Variants in TRIM27 observed in about 807,000 individuals in gnomAD.
The protein encoded by TRIM27 is tripartite motif containing 27, also known as zinc finger protein RFP.
In TRIM27, 12 loss-of-function variants were observed where a neutral mutation model predicts 57.6. The ratio of observed to expected loss-of-function variants is 0.21; its 90% CI spans 0.13 to 0.34. The LOEUF is 0.34. Ranked by LOEUF, TRIM27 falls within the 10% of genes least tolerant of loss-of-function variation. The probability of loss-of-function intolerance (pLI) is 1.00; values close to 1 mark genes in which losing one functional copy is unlikely to be tolerated. For synonymous variants in TRIM27, 266 were observed against 259.0 expected, an observed-to-expected ratio of 1.03 and a Z score of -0.26; for missense variants, 403 against 656.8, an observed-to-expected ratio of 0.61 and a Z score of 4.22.
chr6:28,913,797 C>T (rs760550082), intron 3 of TRIM27, among the ~76,000 whole-genome samples: 2 of 151,844 alleles, frequency 1.3e-5, no homozygotes, highest in African/African-American at 2.4e-5. Flanking sequence ...TCTTTTCTCT[C>T]GCAATACTTA....
intron 3 of TRIM27, among the ~76,000 whole-genome samples, chr6:28,913,821 T>C (rs369400902): frequency 9.1e-4 from 139 of 152,120 alleles, no homozygotes; most frequent in South Asian, 6.2e-3. Flanking sequence ...GGTCTTTTTA[T>C]ATTAGAACTA....
intron 2 of TRIM27, among the ~76,000 whole-genome samples, chr6:28,921,464 G>A (rs1369938139): frequency 6.6e-6 from 1 of 152,074 alleles, no homozygotes; most frequent in Non-Finnish European, 1.5e-5. Context: ...GAGGAAGAGG[G>A]CAGAGTAAAA....
rs1221797761 is a variant in TRIM27, at chr6:28,904,023, T to C, written c.*47A>G. ...GCAAGGCAACAAGATGCCTTGTGCC[T>C]GGCGTAGGATTACAGCCAACAGCCC... On this transcript the variant is annotated 3_prime_UTR_variant, in exon 8 of 8. Transcript: ENST00000377199. The surrounding 1 kb of genome is among the most constrained non-coding windows in gnomAD (Gnocchi z 6.1). 11 of 1,517,106 alleles carry C rather than the reference T, an allele frequency of 7.3e-6. No individual in the cohort carries two copies. In the South Asian group the frequency reaches 1.3e-4, roughly 18 times the overall value. The allele number at this position is 1,517,106 out of a possible 1,614,324, so 94.0% of individuals were successfully genotyped here. A position where few individuals can be genotyped will look rare whatever the true frequency, so the allele number is the denominator to read the frequency against.
Position 28,904,624 on chromosome 6 carries a change from T to C in TRIM27, c.988A>G (p.Ile330Val). 6.2e-7 allele frequency: 1 copy of C among 1,601,140 alleles called. No homozygotes were observed. Among genetic ancestry groups the C allele is most frequent in the Non-Finnish European group, 8.5e-7 (1 of 1,179,914 alleles). ...ACTTGCCGCAGATTATCAGAGAGGA[T>C]CAGGCTGGGGTAGGCCGTGTCTGGG... ...LDPDTAYPSL[I>V]LSDNLRQVRY... is the part of the protein sequence containing the mutation. Residue 330 changes from isoleucine to valine, a missense_variant, in exon 8 of 8, where the codon ATC becomes GTC. By Grantham distance (29) the Ile-to-Val change is conservative. Transcript: ENST00000377199. This position sits in a 1 kb window ranked among gnomAD's most constrained non-coding sequence, Gnocchi z 6.1.
At chr6:28,907,917 A>C (rs986210244) in intron 6 of TRIM27, 2 of 225,130 alleles carry the variant, frequency 8.9e-6, no homozygotes, top group Admixed American at 1.0e-4. Flanking sequence ...TATATATCTG[A>C]ATAGATGCAA....
chr6:28,920,065 G>C lies in TRIM27; in HGVS notation c.694C>G (p.Leu232Val). Residue 232 changes from leucine to valine, a missense_variant, in exon 3 of 8, where the codon CTG becomes GTG. Coordinates refer to ENST00000377199, the MANE Select transcript of TRIM27 (RefSeq NM_006510.5). ...TGCTTCTCTTCTAGCTGAGCGATCA[G>C]GCTGCTGAGGTGGGAGATGTTGCAA... ...FSCNISHLSSLIAQLEEKQQQ... is the reference protein window; with the variant it reads ...FSCNISHLSSVIAQLEEKQQQ... 1 of 1,614,176 alleles carries C rather than the reference G, an allele frequency of 6.2e-7. No homozygotes were observed. Among genetic ancestry groups the C allele is most frequent in the Non-Finnish European group, 8.5e-7 (1 of 1,180,040 alleles).
At chr6:28,907,738 C>T in intron 6 of TRIM27, 1 of 393,536 alleles carries the variant, frequency 2.5e-6, no homozygotes, top group East Asian at 4.9e-5. Flanking sequence ...ACACATTATC[C>T]CACTAAGACT....
rs1772576221 is a variant in TRIM27 at position 28,903,937 on chromosome 6, T to A, written c.*133A>T. ...AAAAGGATGGTAGAGAACATGGACA[T>A]CCTGTCTCCCACTGCAAGGGCGTGG... is the stretch of plus-strand genomic sequence containing the variant. On this transcript the variant is annotated 3_prime_UTR_variant, in exon 8 of 8. Transcript: ENST00000377199. The A allele has an allele frequency of 1.5e-6, 1 of 686,752 alleles. No individual in the cohort carries two copies. Among genetic ancestry groups the A allele is most frequent in the African/African-American group, 1.8e-5 (1 of 55,638 alleles). The allele number at this position is 686,752 out of a possible 1,614,324, so 42.5% of individuals were successfully genotyped here. A position where few individuals can be genotyped will look rare whatever the true frequency, so the allele number is the denominator to read the frequency against.
intron 4 of TRIM27, among the ~76,000 whole-genome samples, chr6:28,909,718 C>T (rs1054581331): frequency 5.3e-5 from 8 of 152,130 alleles, no homozygotes; most frequent in African/African-American, 7.2e-5. Flanking sequence ...GCAATTAACC[C>T]GAATTCTCAG....
At position 28,903,137 on chromosome 6, in the gene TRIM27, G is replaced by A. The variant is rs1772510451; in HGVS notation, c.*933C>T. 2 of 231,946 alleles carry A rather than the reference G, an allele frequency of 8.6e-6. No homozygotes were observed. Among genetic ancestry groups the A allele is most frequent in the Middle Eastern group, 1.3e-3 (1 of 776 alleles). 14.4% of individuals were successfully genotyped at this position (231,946 alleles called of 1,614,324 possible). On this transcript the variant is annotated 3_prime_UTR_variant, in exon 8 of 8. Coordinates refer to ENST00000377199, the MANE Select transcript of TRIM27 (RefSeq NM_006510.5). ...ACTTCAGAGTGTCTCATGATCCAAT[G>A]GCCATGGGGACGGAGCTGCCCCTTG...
At chr6:28,922,311 G>T (rs1376410359) in intron 1 of TRIM27, among the ~76,000 whole-genome samples, 1 of 152,182 alleles carries the variant, frequency 6.6e-6, no homozygotes, top group Admixed American at 6.5e-5. Context: ...GACTGGAGTA[G>T]GAGGCTTAGA....
chr6:28,920,087 G>A lies in TRIM27; in HGVS notation c.672C>T (p.Cys224=). The change falls in exon 3 of 8, where the codon TGC becomes TGT. Residue 224 remains cysteine (C), a synonymous_variant. Transcript: ENST00000377199. ...SINGAITQFS[C]NISHLSSLIA... ...TCAGGCTGCTGAGGTGGGAGATGTT[G>A]CAAGAGAACTGGGTGATGGCACCAT... 6.2e-7 allele frequency: 1 copy of A among 1,614,232 alleles called. No individual in the cohort carries two copies. Among genetic ancestry groups the A allele is most frequent in the East Asian group, 2.2e-5 (1 of 44,886 alleles).
chr6:28,922,142 C>A (rs945929494), intron 1 of TRIM27, among the ~76,000 whole-genome samples, 155 bp from the exon 2 acceptor site: 1 of 152,126 alleles, frequency 6.6e-6, no homozygotes, highest in African/African-American at 2.4e-5. Flanking sequence ...AGACTCAGGG[C>A]GCAGGGGCAA....
chr6:28,914,014 C>T (rs1030396671), intron 3 of TRIM27, among the ~76,000 whole-genome samples: 2 of 145,236 alleles, frequency 1.4e-5, no homozygotes, highest in African/African-American at 2.6e-5. Context: ...CACAGTGTAG[C>T]CTACCTATGT....
In TRIM27 at chr6:28,903,406, AACAG is replaced by A. The variant is rs1772529024; in HGVS notation, c.*660_*663del. On this transcript the variant is annotated 3_prime_UTR_variant, in exon 8 of 8. Coordinates refer to ENST00000377199, the MANE Select transcript of TRIM27 (RefSeq NM_006510.5). The stretch of plus-strand genomic sequence containing the variant: ...ATACACCTTTCATTAGAATGAAGAG[AACAG>A]ACAAAGCCCTCAGAAAAGATACAAA... 4.3e-6 allele frequency: 1 copy of A among 233,276 alleles called. No individual in the cohort carries two copies. Among genetic ancestry groups the A allele is most frequent in the Admixed American group, 5.6e-5 (1 of 17,788 alleles). 14.5% of individuals were successfully genotyped at this position (233,276 alleles called of 1,614,324 possible).
chr6:28,923,085 G>A (rs1481934033), intron 1 of TRIM27, 128 bp downstream of exon 1: 5 of 1,121,310 alleles, frequency 4.5e-6, no homozygotes, highest in South Asian at 3.3e-5. Context: ...AGCGGACAGA[G>A]AGGAAATGAC....
In TRIM27 at chr6:28,923,926, C is replaced by G; in HGVS notation, c.-294G>C. 1 of 407,272 alleles carries G rather than the reference C, an allele frequency of 2.5e-6. No individual in the cohort carries two copies. The highest frequency in any genetic ancestry group is 7.2e-5 in the South Asian group (1 of 13,802). The allele number at this position is 407,272 out of a possible 1,614,324, so 25.2% of individuals were successfully genotyped here. A position where few individuals can be genotyped will look rare whatever the true frequency, so the allele number is the denominator to read the frequency against. ...TAGCCGAGGGTCAGAGTCCCAGGGC[C>G]AGGCGGGCAAAGCGCGCAAGACAAC... On this transcript the variant is annotated 5_prime_UTR_variant, in exon 1 of 8. Transcript: ENST00000377199.
At chr6:28,908,697 G>T in intron 6 of TRIM27, 111 bp downstream of exon 6, 1 of 906,570 alleles carries the variant, frequency 1.1e-6, no homozygotes, top group Non-Finnish European at 1.7e-6. Flanking sequence ...AAAATATCAG[G>T]GAAGGCTGGC....
chr6:28,919,980 G>T, intron 3 of TRIM27, 32 bp downstream of exon 3: 1 of 1,587,790 alleles, frequency 6.3e-7, no homozygotes, highest in Non-Finnish European at 8.6e-7. Context: ...TTTTCAGTGG[G>T]TGCTGCTCTA....
Sources: gnomAD v4.1 joint callset for allele counts (sites outside exome capture counted in the v4.1 genomes callset) on GRCh38, gnomAD v4.1.1 for gene constraint, Gnocchi (gnomAD v3.1) non-coding constraint, MANE v1.5 for transcripts, NCBI Gene and HGNC (gene_info 2026-07-23, HGNC 2026-07-21) for gene names.